CDH18: variants seen among roughly 807,000 people sequenced by gnomAD.
The protein encoded by CDH18 is cadherin-18.
A neutral mutation model predicts 67.9 loss-of-function variants in CDH18; 31 were observed. The observed-to-expected ratio is 0.46, with a 90% CI of 0.34 to 0.62. The LOEUF (loss-of-function observed/expected upper bound fraction) is 0.62. CDH18 is among the 20% of genes least tolerant of loss of function. The pLI, the probability that CDH18 is intolerant of heterozygous loss-of-function variation, is 0.01. For missense variants in CDH18, 890 were observed against 975.5 expected (o/e 0.91, Z 1.17); for synonymous variants, 362 against 347.2 (o/e 1.04, Z -0.48).
intron 11 of CDH18, among the ~76,000 whole-genome samples, chr5:19,501,726 A>G (rs186018126): frequency 4.1e-4 from 62 of 152,300 alleles, no homozygotes; most frequent in African/African-American, 1.4e-3. Flanking sequence ...ACTGAAACAT[A>G]AGTACATGGA....
intron 2 of CDH18, among the ~76,000 whole-genome samples, chr5:20,243,663 A>T (rs1743156616): frequency 6.6e-6 from 1 of 152,002 alleles, no homozygotes; most frequent in African/African-American, 2.4e-5. Context: ...CAAAAAGCCA[A>T]TTTTTTTATT....
chr5:20,246,024 C>T (rs1441182889), intron 2 of CDH18, among the ~76,000 whole-genome samples: 2 of 152,052 alleles, frequency 1.3e-5, no homozygotes, highest in African/African-American at 4.8e-5. Context: ...AAGACTACCA[C>T]AATTTGTGGA....
At chr5:20,501,558 T>A (rs1370022746) in intron 1 of CDH18, among the ~76,000 whole-genome samples, 54 of 23,366 alleles carry the variant, frequency 2.3e-3, no homozygotes, top group African/African-American at 7.7e-3. Context: ...ATATATATAA[T>A]ATATATATAT....
intron 12 of CDH18, 108 bp from the exon 13 acceptor site, chr5:19,473,824 C>G: frequency 1.1e-6 from 1 of 912,522 alleles, no homozygotes; most frequent in Non-Finnish European, 1.7e-6. Context: ...AACCACATTC[C>G]AGAGTTAGGC....
At chr5:20,570,165 A>G (rs753413773) in intron 1 of CDH18, among the ~76,000 whole-genome samples, 6 of 152,218 alleles carry the variant, frequency 3.9e-5, no homozygotes, top group Non-Finnish European at 5.9e-5. Flanking sequence ...CAACTCTAAT[A>G]TAAACTATGA....
chr5:20,043,673 A>G (rs1204860252), intron 2 of CDH18, among the ~76,000 whole-genome samples: 2 of 152,168 alleles, frequency 1.3e-5, no homozygotes, highest in African/African-American at 4.8e-5. Context: ...TCAAAAGTCC[A>G]TTTGCCTATA....
chr5:20,171,564 G>A (rs1037233870), intron 2 of CDH18, among the ~76,000 whole-genome samples: 3 of 151,534 alleles, frequency 2.0e-5, no homozygotes, highest in African/African-American at 7.3e-5. Flanking sequence ...TAATTAGGTT[G>A]TTTGTTTTTT....
intron 5 of CDH18, 50 bp downstream of exon 5, chr5:19,721,297 A>C: frequency 6.7e-7 from 1 of 1,489,660 alleles, no homozygotes; most frequent in Non-Finnish European, 9.1e-7. Flanking sequence ...ATTGCTTTGC[A>C]ACTTACTGTA....
In CDH18 at chr5:19,902,816, A is replaced by T. The variant is rs149120687; in HGVS notation, c.-256-63574T>A. Among the ~76,000 whole-genome samples the T allele has an allele frequency of 8.8e-3, 1,340 of 152,198 alleles. 20 individuals carry two copies. The highest frequency in any genetic ancestry group is 0.027 in the Middle Eastern group (8 of 294). ...TTATATTTCAGAACTTTGGTTTCCC[A>T]CTCTCTAAAGTGGGCCTTATCTATC... is the stretch of plus-strand genomic sequence containing the variant. On this transcript the variant is annotated intron_variant, in intron 2 of 12. Transcript: ENST00000382275.
At chr5:20,151,731 A>T (rs1751121601) in intron 2 of CDH18, among the ~76,000 whole-genome samples, 2 of 152,118 alleles carry the variant, frequency 1.3e-5, no homozygotes, top group African/African-American at 4.8e-5. Flanking sequence ...GCATCTAGAA[A>T]TATTTCTTAT....
intron 2 of CDH18, among the ~76,000 whole-genome samples, chr5:20,026,087 C>T (rs1738871125): frequency 6.6e-6 from 1 of 152,144 alleles, no homozygotes; most frequent in African/African-American, 2.4e-5. Context: ...GCTACTTGTG[C>T]ACCATTCCTT....
At chr5:20,247,759 C>CA (rs34347567) in intron 2 of CDH18, among the ~76,000 whole-genome samples, 5,399 of 129,196 alleles carry the variant, frequency 0.042, 264 homozygotes, top group African/African-American at 0.12. Flanking sequence ...GCGAGACCAT[C>CA]AAAAAAAAAA....
intron 2 of CDH18, among the ~76,000 whole-genome samples, chr5:20,099,142 G>A (rs192177399): frequency 1.1e-4 from 16 of 152,250 alleles, no homozygotes; most frequent in Non-Finnish European, 1.8e-4. Flanking sequence ...CCAGATGTCT[G>A]GCAGCACATA....
At chr5:19,727,238 G>A (rs1230845881) in intron 4 of CDH18, among the ~76,000 whole-genome samples, 2 of 152,190 alleles carry the variant, frequency 1.3e-5, no homozygotes, top group African/African-American at 4.8e-5. Flanking sequence ...ACCTCAGAAT[G>A]TGACCTTCTT....
chr5:19,483,161 T>C (rs1022099092), intron 12 of CDH18, 140 bp downstream of exon 12: 7 of 698,780 alleles, frequency 1.0e-5, no homozygotes, highest in African/African-American at 7.1e-5. Context: ...AATGACAGTA[T>C]TGAGAAAATT....
In CDH18 at chr5:19,472,549, C is replaced by T. The variant is rs1171856680; in HGVS notation, c.*677G>A. Among the ~76,000 whole-genome samples the T allele has an allele frequency of 6.6e-6, 1 of 152,072 alleles. No individual in the cohort carries two copies. The highest frequency in any genetic ancestry group is 2.4e-5 in the African/African-American group (1 of 41,424). On this transcript the variant is annotated 3_prime_UTR_variant, in exon 13 of 13. Coordinates refer to ENST00000382275, the MANE Select transcript of CDH18 (RefSeq NM_004934.5). ...GTGTACGGGATAGAGACAATAGTCT[C>T]GTGCTCAGTACAGCACACAACTGGT...
At chr5:20,266,643 G>A (rs1261576962) in intron 1 of CDH18, among the ~76,000 whole-genome samples, 1 of 137,114 alleles carries the variant, frequency 7.3e-6, no homozygotes, top group Non-Finnish European at 1.5e-5. Context: ...TGACCAGGCT[G>A]GTCTTGAACT....
intron 1 of CDH18, among the ~76,000 whole-genome samples, chr5:20,292,625 C>T (rs1487439550): frequency 2.0e-5 from 3 of 152,100 alleles, no homozygotes; most frequent in Non-Finnish European, 4.4e-5. Flanking sequence ...TTTCAAATTG[C>T]CAGCAGTGCC....
chr5:20,443,092 C>T (rs1465803549), intron 1 of CDH18, among the ~76,000 whole-genome samples: 3 of 147,170 alleles, frequency 2.0e-5, no homozygotes, highest in East Asian at 4.0e-4. Context: ...CGCCTGTAGT[C>T]CCAGCTACTT....
Sources: allele counts gnomAD v4.1 joint callset (sites outside exome capture counted in the v4.1 genomes callset), GRCh38; gene constraint gnomAD v4.1.1; transcripts MANE v1.5; gene names NCBI Gene and HGNC (gene_info 2026-07-23, HGNC 2026-07-21).